NEBL: variants seen among roughly 807,000 people sequenced by gnomAD.
NEBL encodes the protein nebulette, also known as LIM and SH3 protein 2.
Under a neutral mutation model 140.2 loss-of-function variants are expected in NEBL, and 122 were observed. That is an observed-to-expected ratio of 0.87 (90% CI 0.75 to 1.01). NEBL has a LOEUF of 1.01. NEBL is among the 50% of genes least tolerant of loss of function. The pLI, the probability that NEBL is intolerant of heterozygous loss-of-function variation, is 0.00. For synonymous variants in NEBL, 436 were observed against 398.9 expected (o/e 1.09, Z -1.11); for missense variants, 1,365 against 1,231.3 (o/e 1.11, Z -1.62).
Position 21,256,648 on chromosome 10 carries a change from T to C in NEBL, n.183-4820A>G, listed in dbSNP as rs997319105. On this transcript the variant is annotated intron_variant and non_coding_transcript_variant, in intron 1 of 8. Transcript: ENST00000675702. ...GAGTTCGAGACCAGCCTAGGCAACA[T>C]AGTGAGACCCTGTCTCTAAAAATAT... is the stretch of plus-strand genomic sequence containing the variant. Among the ~76,000 whole-genome samples the C allele has an allele frequency of 3.3e-5, 5 of 152,052 alleles. No individual in the cohort carries two copies. The South Asian group carries it at 8.3e-4, about 25-fold the overall frequency.
At chr10:20,952,154 G>C (rs1589065285) in intron 4 of NEBL, among the ~76,000 whole-genome samples, 1 of 152,276 alleles carries the variant, frequency 6.6e-6, no homozygotes, top group African/African-American at 2.4e-5. Context: ...TTAAGAACCG[G>C]GGCCAGGCGG....
chr10:20,819,304 AG>A (rs1429242418), intron 20 of NEBL, 119 bp downstream of exon 20: 1 of 1,464,436 alleles, frequency 6.8e-7, no homozygotes, highest in Non-Finnish European at 9.5e-7. Flanking sequence ...ATTATTATGC[AG>A]TATTTGGTTT....
chr10:21,075,213 T>G (rs1041995438), intron 2 of NEBL, among the ~76,000 whole-genome samples: 1 of 152,088 alleles, frequency 6.6e-6, no homozygotes, highest in African/African-American at 2.4e-5. Flanking sequence ...GGAAACACAA[T>G]GGTAATATTT....
chr10:21,048,451 C>CAAAAA (rs10626391), intron 2 of NEBL, among the ~76,000 whole-genome samples: 2 of 103,206 alleles, frequency 1.9e-5, no homozygotes, highest in South Asian at 6.9e-4. Flanking sequence ...AAATTTCTAC[C>CAAAAA]AAAAAAAAAA....
Position 21,187,422 on chromosome 10 carries a change from T to C in NEBL, n.349-14945A>G, listed in dbSNP as rs945103869. ...GGGGATGACGTTTTGTCGAACCCGA[T>C]CAGCTAGCATCTGGTAAAATAATTT... On this transcript the variant is annotated intron_variant and non_coding_transcript_variant, in intron 3 of 8. Transcript: ENST00000675702. 1.5e-4 allele frequency among the ~76,000 whole-genome samples: 23 copies of C among 152,264 alleles called. 2 individuals are homozygous for C. Among genetic ancestry groups the C allele is most frequent in the African/African-American group, 5.5e-4 (23 of 41,574 alleles).
At chr10:21,217,134 T>C (rs564137596) in intron 3 of NEBL, among the ~76,000 whole-genome samples, 2 of 152,300 alleles carry the variant, frequency 1.3e-5, no homozygotes, top group South Asian at 4.1e-4. Context: ...CGCACAGTTG[T>C]TGGGGAAGAC....
intron 3 of NEBL, among the ~76,000 whole-genome samples, chr10:21,209,571 T>C (rs187010833): frequency 1.3e-5 from 2 of 151,646 alleles, no homozygotes; most frequent in East Asian, 3.9e-4. Context: ...TACGTGCCAA[T>C]AGCACATAAG....
intron 2 of NEBL, among the ~76,000 whole-genome samples, chr10:21,072,410 G>A (rs1191261859): frequency 6.6e-6 from 1 of 152,226 alleles, no homozygotes. Flanking sequence ...TTCTGAGGTT[G>A]TAGGTGGACA....
intron 5 of NEBL, among the ~76,000 whole-genome samples, chr10:20,872,070 T>C (rs1028304410): frequency 6.6e-6 from 1 of 152,060 alleles, no homozygotes; most frequent in Non-Finnish European, 1.5e-5. Flanking sequence ...AGGGTAAAAA[T>C]GGAAACCCTT....
intron 4 of NEBL, among the ~76,000 whole-genome samples, chr10:20,882,797 C>G (rs968878133): frequency 6.6e-6 from 1 of 152,056 alleles, no homozygotes; most frequent in African/African-American, 2.4e-5. Context: ...CTCTGGACTG[C>G]CATCTAGTTT....
intron 3 of NEBL, among the ~76,000 whole-genome samples, chr10:21,202,384 A>G (rs1841751431): frequency 6.6e-6 from 1 of 152,066 alleles, no homozygotes; most frequent in Non-Finnish European, 1.5e-5. Context: ...GCGTTCTAGA[A>G]ATACACATAA....
At chr10:21,229,503 T>C (rs74123915) in intron 3 of NEBL, among the ~76,000 whole-genome samples, 4,450 of 152,318 alleles carry the variant, frequency 0.029, 83 homozygotes, top group Middle Eastern at 0.048. Flanking sequence ...GAATTAGTCA[T>C]TTCTCTGAAT....
chr10:20,851,862 G>A (rs956509533), intron 10 of NEBL, among the ~76,000 whole-genome samples: 1 of 151,998 alleles, frequency 6.6e-6, no homozygotes, highest in Non-Finnish European at 1.5e-5. Flanking sequence ...ACTTAAAGGG[G>A]AACTGTTTCG....
At chr10:20,962,938 T>C (rs1171203468) in intron 3 of NEBL, among the ~76,000 whole-genome samples, 2 of 151,996 alleles carry the variant, frequency 1.3e-5, no homozygotes, top group Admixed American at 1.3e-4. Context: ...TACCCAATTC[T>C]ATCAAGCATT....
rs150055622 is a variant in NEBL, at chr10:20,866,479, T to C, written c.684+2185A>G. On this transcript the variant is annotated intron_variant, in intron 7 of 27. Coordinates refer to ENST00000377122, the MANE Select transcript of NEBL (RefSeq NM_006393.3). The stretch of plus-strand genomic sequence containing the variant: ...AGCAATGGCTTATACTCAAAATCAA[T>C]ACACATTGACCCATTCATCATCACA... Among the ~76,000 whole-genome samples, 685 of 152,292 alleles carry C rather than the reference T, an allele frequency of 4.5e-3. 2 individuals are homozygous for C. Among genetic ancestry groups the C allele is most frequent in the Middle Eastern group, 0.01 (3 of 294 alleles).
chr10:20,796,453 A>G (rs1836555676), intron 26 of NEBL, among the ~76,000 whole-genome samples: 1 of 151,504 alleles, frequency 6.6e-6, no homozygotes, highest in Non-Finnish European at 1.5e-5. Context: ...AAAACACACA[A>G]CATTAGTTGT....
intron 4 of NEBL, among the ~76,000 whole-genome samples, chr10:20,906,147 G>A (rs908849670): frequency 2.0e-5 from 3 of 152,124 alleles, no homozygotes; most frequent in Non-Finnish European, 4.4e-5. Flanking sequence ...TGTAGACCCT[G>A]AAATAAAATT....
chr10:21,011,553 G>A (rs1371071283), intron 3 of NEBL, among the ~76,000 whole-genome samples: 1 of 152,180 alleles, frequency 6.6e-6, no homozygotes, highest in Non-Finnish European at 1.5e-5. Context: ...TGGGACCCAT[G>A]CCCACATTCC....
chr10:20,891,407 T>A (rs926831154), intron 2 of NEBL, among the ~76,000 whole-genome samples: 1 of 152,196 alleles, frequency 6.6e-6, no homozygotes, highest in Non-Finnish European at 1.5e-5. Flanking sequence ...GCTATTTTGA[T>A]CATATGGAGA....
Sources: allele counts gnomAD v4.1 joint callset (sites outside exome capture counted in the v4.1 genomes callset), GRCh38; gene constraint gnomAD v4.1.1; transcripts MANE v1.5; gene names NCBI Gene and HGNC (gene_info 2026-07-23, HGNC 2026-07-21).